The following MTRF1 variants were observed in gnomAD, a reference collection of about 807,000 sequenced individuals.
The protein encoded by MTRF1 is mitochondrial translation release factor 1, also known as peptide chain release factor 1, mitochondrial.
In MTRF1, 51 loss-of-function variants were observed where a neutral mutation model predicts 62.9. The ratio of observed to expected loss-of-function variants is 0.81; its 90% CI spans 0.65 to 1.02. The LOEUF (loss-of-function observed/expected upper bound fraction) is 1.02. MTRF1 is among the 50% of genes least tolerant of loss of function. MTRF1 has a pLI of 0.00. For missense variants in MTRF1, 446 were observed against 530.0 expected, an observed-to-expected ratio of 0.84 and a Z score of 1.56; for synonymous variants, 158 against 181.9, an observed-to-expected ratio of 0.87 and a Z score of 1.06.
the MTRF1 span, among the ~76,000 whole-genome samples, chr13:41,274,909 G>A: frequency 1.3e-4 from 20 of 151,896 alleles, no homozygotes; most frequent in South Asian, 8.3e-4. Context: ...CTCCGTGCCC[G>A]GCCTATTATT....
upstream of MTRF1, among the ~76,000 whole-genome samples, chr13:41,265,299 G>T (rs2040810397): frequency 6.6e-6 from 1 of 151,832 alleles, no homozygotes; most frequent in Non-Finnish European, 1.5e-5. Context: ...GCTCATGCTT[G>T]TAATCCTAGC....
At chr13:41,287,812 C>A in the MTRF1 span, 1 of 263,650 alleles carries the variant, frequency 3.8e-6, no homozygotes, top group South Asian at 4.4e-5. Context: ...ATAGCTTTGT[C>A]AAACACCGTT....
chr13:41,291,605 G>A, the MTRF1 span, among the ~76,000 whole-genome samples: 1 of 151,802 alleles, frequency 6.6e-6, no homozygotes. Flanking sequence ...CTTTCTGCTT[G>A]TACCTCTAGC....
At chr13:41,311,769 T>C in the MTRF1 span, among the ~76,000 whole-genome samples, 1 of 152,144 alleles carries the variant, frequency 6.6e-6, no homozygotes, top group African/African-American at 2.4e-5. Context: ...GCCGAGCCGC[T>C]CCTCCGTGCG....
the MTRF1 span, among the ~76,000 whole-genome samples, chr13:41,278,054 A>G: frequency 2.0e-5 from 3 of 152,260 alleles, no homozygotes; most frequent in African/African-American, 7.2e-5. Context: ...ATTAATAATC[A>G]GTCCAGTTCA....
intron 2 of MTRF1, among the ~76,000 whole-genome samples, chr13:41,259,108 C>A (rs142109504): frequency 6.6e-6 from 1 of 152,066 alleles, no homozygotes; most frequent in Non-Finnish European, 1.5e-5. Flanking sequence ...ATTGAAAGGG[C>A]GGATAATAAG....
At chr13:41,238,822 A>G (rs1006125396) in intron 6 of MTRF1, among the ~76,000 whole-genome samples, 4 of 152,190 alleles carry the variant, frequency 2.6e-5, no homozygotes, top group Non-Finnish European at 4.4e-5. Context: ...CAACATGACT[A>G]TAACTGCACC....
At chr13:41,220,751 G>T in intron 9 of MTRF1, 1 of 457,326 alleles carries the variant, frequency 2.2e-6, no homozygotes, top group Non-Finnish European at 4.0e-6. Flanking sequence ...CACTGAAGAT[G>T]CTTTCTCTTG....
rs111641699 is a variant in MTRF1 at position 41,257,513 on chromosome 13, T to C, written c.416-2893A>G. ...AATCTCATTGCTTGGGTTCAAATCC[T>C]TGCTTCTCCCCTCGCTGGCTGAGTG... is the stretch of plus-strand genomic sequence containing the variant. On this transcript the variant is annotated intron_variant, in intron 2 of 9. Transcript: ENST00000379480. Among the ~76,000 whole-genome samples the C allele has an allele frequency of 1.0e-3, 157 of 152,352 alleles. 1 individual carries two copies. Among genetic ancestry groups the C allele is most frequent in the Middle Eastern group, 3.4e-3 (1 of 294 alleles).
intron 1 of MTRF1, chr13:41,262,343 A>G (rs1156452888): frequency 6.7e-6 from 1 of 148,450 alleles, no homozygotes; most frequent in East Asian, 1.9e-4. Flanking sequence ...TGTCTCAAAA[A>G]AAAAAAAAAA....
At chr13:41,288,208 G>A in the MTRF1 span, 1 of 461,304 alleles carries the variant, frequency 2.2e-6, no homozygotes, top group Non-Finnish European at 4.3e-6. Flanking sequence ...CAGAATAATT[G>A]TCAAAGACAA....
the MTRF1 span, among the ~76,000 whole-genome samples, chr13:41,311,779 G>C: frequency 1.3e-5 from 2 of 152,202 alleles, no homozygotes; most frequent in African/African-American, 4.8e-5. Flanking sequence ...TCCTCCGTGC[G>C]CTTCCTTTCC....
At chr13:41,240,052 A>T (rs1307919403) in intron 6 of MTRF1, among the ~76,000 whole-genome samples, 1 of 151,880 alleles carries the variant, frequency 6.6e-6, no homozygotes, top group Non-Finnish European at 1.5e-5. Flanking sequence ...AATTGCAGCT[A>T]CTCAGCAGGC....
At chr13:41,283,585 C>CT in the MTRF1 span, among the ~76,000 whole-genome samples, 30 of 83,556 alleles carry the variant, frequency 3.6e-4, 3 homozygotes, top group Admixed American at 5.9e-4. Context: ...CTCTGACAAT[C>CT]TTTTTTTTTT....
chr13:41,240,166 A>G, intron 6 of MTRF1, 95 bp downstream of exon 6: 1 of 1,325,998 alleles, frequency 7.5e-7, no homozygotes, highest in Non-Finnish European at 1.0e-6. Context: ...CTGTCTCAAA[A>G]AAAAAAAAAA....
At chr13:41,292,668 C>T in the MTRF1 span, among the ~76,000 whole-genome samples, 214 of 151,650 alleles carry the variant, frequency 1.4e-3, no homozygotes, top group African/African-American at 4.9e-3. Flanking sequence ...TCAAACTGCT[C>T]TAGCACTTTG....
At chr13:41,299,040 G>A in the MTRF1 span, among the ~76,000 whole-genome samples, 1 of 152,010 alleles carries the variant, frequency 6.6e-6, no homozygotes, top group Non-Finnish European at 1.5e-5. Context: ...AATTAGCTGG[G>A]CGTGACGCAC....
At chr13:41,288,105 T>C in the MTRF1 span, 2 of 486,172 alleles carry the variant, frequency 4.1e-6, no homozygotes, top group African/African-American at 2.0e-5. Context: ...TGTTTACAGA[T>C]AGAATGGGGG....
intron 2 of MTRF1, 74 bp from the exon 3 acceptor site, chr13:41,254,694 T>C (rs1430665265): frequency 6.5e-6 from 7 of 1,079,636 alleles, no homozygotes; most frequent in South Asian, 1.4e-5. Context: ...GCCATGTTCC[T>C]CTTTGGCTAC....
Sources: allele counts gnomAD v4.1 joint callset (sites outside exome capture counted in the v4.1 genomes callset), GRCh38; gene constraint gnomAD v4.1.1; transcripts MANE v1.5; gene names NCBI Gene and HGNC (gene_info 2026-07-23, HGNC 2026-07-21).